Variants in LINGO2 observed in about 807,000 individuals in gnomAD.
The protein encoded by LINGO2 is leucine-rich repeat and immunoglobulin-like domain-containing nogo receptor-interacting protein 2.
Under a neutral mutation model 30.6 loss-of-function variants are expected in LINGO2, and 14 were observed. The observed-to-expected ratio is 0.46, with a 90% CI of 0.30 to 0.72. LINGO2 has a LOEUF of 0.72. Ranked by LOEUF, LINGO2 falls within the 30% of genes least tolerant of loss-of-function variation. The probability of loss-of-function intolerance (pLI) is 0.07; values close to 1 mark genes in which losing one functional copy is unlikely to be tolerated. For missense variants in LINGO2, 729 were observed against 751.7 expected (o/e 0.97, Z 0.35); for synonymous variants, 317 against 288.5 (o/e 1.10, Z -1.00).
the LINGO2 span, among the ~76,000 whole-genome samples, chr9:29,126,183 G>C: frequency 6.6e-6 from 1 of 152,074 alleles, no homozygotes; most frequent in Non-Finnish European, 1.5e-5. Context: ...AATACTTAGG[G>C]GGAAAATAGT....
At chr9:29,136,839 T>A in the LINGO2 span, among the ~76,000 whole-genome samples, 5,036 of 152,268 alleles carry the variant, frequency 0.033, 136 homozygotes, top group Non-Finnish European at 0.055. Context: ...CCATGTCATC[T>A]CACCTGTCTT....
the LINGO2 span, among the ~76,000 whole-genome samples, chr9:28,964,925 C>A: frequency 2.6e-5 from 4 of 151,634 alleles, no homozygotes; most frequent in African/African-American, 9.7e-5. Context: ...AGTTTCAGAA[C>A]TTTTACTTCT....
At chr9:28,988,527 C>G in the LINGO2 span, among the ~76,000 whole-genome samples, 1 of 152,100 alleles carries the variant, frequency 6.6e-6, no homozygotes, top group African/African-American at 2.4e-5. Flanking sequence ...TCCATCTACA[C>G]TCACAGCAAT....
the LINGO2 span, among the ~76,000 whole-genome samples, chr9:29,203,368 G>GT: frequency 6.6e-6 from 1 of 152,074 alleles, no homozygotes; most frequent in African/African-American, 2.4e-5. Context: ...TGCAAGGAAT[G>GT]TATCTAAGGC....
chr9:28,906,302 G>A, the LINGO2 span, among the ~76,000 whole-genome samples: 1 of 151,936 alleles, frequency 6.6e-6, no homozygotes, highest in African/African-American at 2.4e-5. Context: ...GATTTTAAGT[G>A]TGATCACTAC....
At chr9:28,684,560 C>T in the LINGO2 span, among the ~76,000 whole-genome samples, 2 of 150,490 alleles carry the variant, frequency 1.3e-5, no homozygotes, top group African/African-American at 4.9e-5. Context: ...TCTGAGCTCA[C>T]TGCAACCTCT....
At chr9:28,163,838 G>GC (rs1388078676) in intron 4 of LINGO2, among the ~76,000 whole-genome samples, 11 of 152,222 alleles carry the variant, frequency 7.2e-5, no homozygotes, top group Non-Finnish European at 1.6e-4. Flanking sequence ...ACTGGACTTA[G>GC]TTAAAGCTCT....
At chr9:28,968,946 G>C in the LINGO2 span, among the ~76,000 whole-genome samples, 2,653 of 152,196 alleles carry the variant, frequency 0.017, 92 homozygotes, top group African/African-American at 0.061. Flanking sequence ...GGAACATAGT[G>C]ATTCTTATCA....
Position 28,290,488 on chromosome 9 carries a change from G to A in LINGO2, c.-87+4720C>T, listed in dbSNP as rs562402773. ...GGACTCAGTCTAGGTCCTTCTGCTC[G>A]CTGCACAGAAAGCCAATCACTGACA... On this transcript the variant is annotated intron_variant, in intron 4 of 5. Transcript: ENST00000379992. Among the ~76,000 whole-genome samples, 21 of 152,306 alleles carry A rather than the reference G, an allele frequency of 1.4e-4. No individual in the cohort carries two copies. The East Asian group carries it at 1.7e-3, about 13-fold the overall frequency.
At chr9:28,560,835 T>TTG (rs1161140003) in intron 1 of LINGO2, among the ~76,000 whole-genome samples, 6 of 151,356 alleles carry the variant, frequency 4.0e-5, no homozygotes, top group Non-Finnish European at 7.4e-5. Context: ...CTTGGCTAAT[T>TTG]TGTGTGTGTG....
intron 4 of LINGO2, among the ~76,000 whole-genome samples, chr9:28,245,542 C>A (rs1821966550): frequency 6.6e-6 from 1 of 152,086 alleles, no homozygotes; most frequent in East Asian, 1.9e-4. Flanking sequence ...TGATCCTACA[C>A]CTAGAGAACC....
At chr9:29,173,363 T>C in the LINGO2 span, among the ~76,000 whole-genome samples, 3 of 152,098 alleles carry the variant, frequency 2.0e-5, no homozygotes, top group African/African-American at 4.8e-5. Flanking sequence ...TGCTTCCTTT[T>C]ATACACATGG....
At chr9:29,077,336 G>A in the LINGO2 span, among the ~76,000 whole-genome samples, 7 of 151,964 alleles carry the variant, frequency 4.6e-5, no homozygotes, top group Admixed American at 3.3e-4. Flanking sequence ...CTATGCTCAA[G>A]TGACTTTTTT....
chr9:28,897,512 C>A, the LINGO2 span, among the ~76,000 whole-genome samples: 1 of 152,028 alleles, frequency 6.6e-6, no homozygotes, highest in East Asian at 1.9e-4. Flanking sequence ...TCTCTTGTCA[C>A]CTTCTCAGCT....
At chr9:28,539,086 C>G (rs1821564568) in intron 1 of LINGO2, among the ~76,000 whole-genome samples, 1 of 151,246 alleles carries the variant, frequency 6.6e-6, no homozygotes, top group Admixed American at 6.6e-5. Flanking sequence ...AAATACATAC[C>G]TAAATAAAAG....
chr9:28,905,174 T>C, the LINGO2 span, among the ~76,000 whole-genome samples: 1 of 151,222 alleles, frequency 6.6e-6, no homozygotes, highest in Non-Finnish European at 1.5e-5. Context: ...ATAAAACTGT[T>C]AGAAGAAAAT....
the LINGO2 span, among the ~76,000 whole-genome samples, chr9:28,739,108 C>T: frequency 1.3e-5 from 2 of 151,878 alleles, no homozygotes; most frequent in South Asian, 4.1e-4. Flanking sequence ...TTAAGTGCTT[C>T]TGAAATTTAT....
chr9:28,649,659 A>G (rs986811839), intron 1 of LINGO2, among the ~76,000 whole-genome samples: 3 of 152,306 alleles, frequency 2.0e-5, no homozygotes, highest in Admixed American at 2.0e-4. Flanking sequence ...AGTAGTTAAG[A>G]AATTGTAAAA....
At chr9:28,617,919 G>C (rs568832082) in intron 1 of LINGO2, among the ~76,000 whole-genome samples, 1 of 152,170 alleles carries the variant, frequency 6.6e-6, no homozygotes, top group East Asian at 1.9e-4. Context: ...AAGATACATG[G>C]TATAAATATA....
Sources: allele counts gnomAD v4.1 joint callset (sites outside exome capture counted in the v4.1 genomes callset), GRCh38; gene constraint gnomAD v4.1.1; transcripts MANE v1.5; gene names NCBI Gene and HGNC (gene_info 2026-07-23, HGNC 2026-07-21).